The following GUCY2F variants were observed in gnomAD, a reference collection of about 807,000 sequenced individuals.
GUCY2F encodes retinal guanylyl cyclase 2.
Under a neutral mutation model 73.1 loss-of-function variants are expected in GUCY2F, and 61 were observed. That is an observed-to-expected ratio of 0.83 (90% CI 0.68 to 1.03). GUCY2F has a LOEUF of 1.03. Ranked by LOEUF, GUCY2F falls within the 50% of genes least tolerant of loss-of-function variation. The pLI is 0.00. For synonymous variants in GUCY2F, 331 were observed against 307.8 expected, an observed-to-expected ratio of 1.08 and a Z score of -0.79; for missense variants, 912 against 854.3, an observed-to-expected ratio of 1.07 and a Z score of -0.84.
intron 14 of GUCY2F, among the ~76,000 whole-genome samples, chrX:109,389,743 C>CATCATCATCATCAACATT (rs1286567301): frequency 4.5e-5 from 5 of 111,073 alleles, no homozygotes; most frequent in African/African-American, 1.6e-4. Flanking sequence ...AAGCTATCAC[C>CATCATCATCATCAACATT]ATCATCATCA....
intron 6 of GUCY2F, among the ~76,000 whole-genome samples, chrX:109,445,114 T>A (rs780627197): frequency 7.2e-5 from 8 of 111,705 alleles, no homozygotes; most frequent in Non-Finnish European, 1.3e-4. Context: ...ACTGTAATCC[T>A]CTTGAAATCT....
intron 17 of GUCY2F, among the ~76,000 whole-genome samples, chrX:109,380,225 C>T (rs1442503630): frequency 8.9e-6 from 1 of 112,004 alleles, no homozygotes; most frequent in Non-Finnish European, 1.9e-5. Context: ...GATATTTCTG[C>T]CCCATGTACT....
At chrX:109,373,892 G>T (rs917929055) in intron 19 of GUCY2F, among the ~76,000 whole-genome samples, 1 of 112,444 alleles carries the variant, frequency 8.9e-6, no homozygotes, top group Non-Finnish European at 1.9e-5. Flanking sequence ...ATCAGGTGAC[G>T]TGTAGGGCCC....
intron 8 of GUCY2F, among the ~76,000 whole-genome samples, chrX:109,424,570 T>C (rs1327538176): frequency 9.0e-6 from 1 of 110,846 alleles, no homozygotes; most frequent in African/African-American, 3.3e-5. Flanking sequence ...CTATGGACTT[T>C]GGGTGAAAAT....
intron 1 of GUCY2F, among the ~76,000 whole-genome samples, chrX:109,476,752 A>AGAT (rs1932704250): frequency 9.4e-6 from 1 of 106,517 alleles, no homozygotes; most frequent in Non-Finnish European, 1.9e-5. Context: ...ATAGATAGAT[A>AGAT]GATAGATAGA....
In GUCY2F at chrX:109,465,324, G is replaced by A. The variant is rs779750568; in HGVS notation, c.850C>T (p.Leu284=). ...GTYVFVPYDA[L]LYSLPYKHTP... is the part of the protein sequence containing the mutation. ...TGCTTATAAGGTAAACTGTAGAGCAGGGCATCATAAGGAACAAAGACGTAG... is the reference window on the plus strand; with the variant it reads ...TGCTTATAAGGTAAACTGTAGAGCAAGGCATCATAAGGAACAAAGACGTAG... Residue 284 remains leucine (L), a synonymous_variant, in exon 3 of 20, where the codon CTG becomes TTG. Transcript: ENST00000218006. The A allele has an allele frequency of 3.6e-5, 43 of 1,204,238 alleles. No homozygotes were observed. Among genetic ancestry groups the A allele is most frequent in the Non-Finnish European group, 4.7e-5 (42 of 890,237 alleles).
chrX:109,458,442 C>T (rs150959009), intron 3 of GUCY2F, among the ~76,000 whole-genome samples: 73 of 111,416 alleles, frequency 6.6e-4, no homozygotes, highest in Admixed American at 4.7e-3. Flanking sequence ...TTTATGTAAA[C>T]GACCTGGTAC....
At position 109,475,522 on chromosome X, in the gene GUCY2F, C is replaced by T; in HGVS notation, c.415G>A (p.Gly139Arg). Residue 139 changes from glycine (G) to arginine (R), a missense_variant, in exon 2 of 20, where the codon GGA (glycine) becomes AGA (arginine). By Grantham distance (125) the Gly-to-Arg change is moderately radical. Coordinates refer to ENST00000218006, the MANE Select transcript of GUCY2F (RefSeq NM_001522.3). Reference sequence around the variant, plus strand: ...AAAATTCCTTTGTCCCAGCTGTTTCCCAGGAGCGAGGCTGCCTCGCAGTAG... The same window carrying T: ...AAAATTCCTTTGTCCCAGCTGTTTCTCAGGAGCGAGGCTGCCTCGCAGTAG... Reference protein sequence around the residue: ...PGYCEAASLLGNSWDKGIFSW... With the variant: ...PGYCEAASLLRNSWDKGIFSW... 8.3e-7 allele frequency: 1 copy of T among 1,210,825 alleles called. No homozygotes were observed. The highest frequency in any genetic ancestry group is 3.0e-5 in the East Asian group (1 of 33,836).
intron 9 of GUCY2F, among the ~76,000 whole-genome samples, chrX:109,405,742 C>G (rs1325954621): frequency 9.0e-6 from 1 of 111,360 alleles, no homozygotes; most frequent in Non-Finnish European, 1.9e-5. Flanking sequence ...AGGGGATTGT[C>G]ATATAGAGGC....
At chrX:109,441,591 A>G in intron 6 of GUCY2F, 109 bp from the exon 7 acceptor site, 1 of 486,932 alleles carries the variant, frequency 2.1e-6, no homozygotes, top group Non-Finnish European at 3.2e-6. Context: ...TATGAGTTGA[A>G]CCCTGTAAAC....
At position 109,391,023 on chromosome X, in the gene GUCY2F, G is replaced by C. The variant is rs150832169; in HGVS notation, c.2781+888C>G. ...AATGAATGGAGCTACTCATTCTCCA[G>C]CTCTACTTTGGTCCTGGGACAGAGA... On this transcript the variant is annotated intron_variant, in intron 14 of 19. Coordinates refer to ENST00000218006, the MANE Select transcript of GUCY2F (RefSeq NM_001522.3). 2.2e-3 allele frequency among the ~76,000 whole-genome samples: 250 copies of C among 112,387 alleles called. 1 individual carries two copies. The highest frequency in any genetic ancestry group is 7.7e-3 in the African/African-American group (238 of 30,961).
intron 7 of GUCY2F, among the ~76,000 whole-genome samples, chrX:109,432,507 C>G (rs1204170290): frequency 8.9e-6 from 1 of 112,231 alleles, no homozygotes; most frequent in Non-Finnish European, 1.9e-5. Context: ...CTTCCCGGCA[C>G]CTTTGCAGCT....
At chrX:109,439,209 C>T (rs1431715378) in intron 7 of GUCY2F, among the ~76,000 whole-genome samples, 1 of 111,745 alleles carries the variant, frequency 8.9e-6, no homozygotes, top group Non-Finnish European at 1.9e-5. Context: ...TGAGTCAGCC[C>T]CAGGCAACAA....
At chrX:109,460,991 T>C (rs1207939898) in intron 3 of GUCY2F, among the ~76,000 whole-genome samples, 1 of 111,828 alleles carries the variant, frequency 8.9e-6, no homozygotes, top group African/African-American at 3.2e-5. Flanking sequence ...TGACAAGAAT[T>C]ATAACCATAT....
intron 7 of GUCY2F, among the ~76,000 whole-genome samples, chrX:109,432,487 AC>A (rs1438965139): frequency 8.9e-6 from 1 of 112,364 alleles, no homozygotes; most frequent in African/African-American, 3.2e-5. Context: ...AGACTGGTGA[AC>A]AAAAAAGCCT....
chrX:109,432,323 G>A (rs1056130437), intron 7 of GUCY2F, among the ~76,000 whole-genome samples: 1 of 111,939 alleles, frequency 8.9e-6, no homozygotes, highest in Non-Finnish European at 1.9e-5. Context: ...GTCAGGGATC[G>A]AAAAGTCATT....
intron 8 of GUCY2F, among the ~76,000 whole-genome samples, chrX:109,425,190 A>G (rs1931455590): frequency 9.0e-6 from 1 of 111,567 alleles, no homozygotes; most frequent in Admixed American, 9.5e-5. Flanking sequence ...TTTCAATCCC[A>G]CTACTGGATA....
chrX:109,400,488 A>G (rs1930814349), intron 10 of GUCY2F, among the ~76,000 whole-genome samples: 1 of 112,108 alleles, frequency 8.9e-6, no homozygotes, highest in African/African-American at 3.2e-5. Context: ...ATGAAATAGG[A>G]AGAAGGGTGA....
chrX:109,475,114 G>T, intron 2 of GUCY2F, 93 bp downstream of exon 2: 1 of 866,813 alleles, frequency 1.2e-6, no homozygotes, highest in Non-Finnish European at 1.6e-6. Flanking sequence ...GAAGGGATGT[G>T]CTACCCTAGG....
Sources: allele counts gnomAD v4.1 joint callset (sites outside exome capture counted in the v4.1 genomes callset), GRCh38; gene constraint gnomAD v4.1.1; transcripts MANE v1.5; gene names NCBI Gene and HGNC (gene_info 2026-07-23, HGNC 2026-07-21).